ATP8B4: variants seen among roughly 807,000 people sequenced by gnomAD.
ATP8B4 encodes the protein probable phospholipid-transporting ATPase IM.
Under a neutral mutation model 145.6 loss-of-function variants are expected in ATP8B4, and 133 were observed. The ratio of observed to expected loss-of-function variants is 0.91; its 90% CI spans 0.79 to 1.05. The LOEUF is 1.05. Ranked by LOEUF, ATP8B4 falls within the 50% of genes least tolerant of loss-of-function variation. The pLI, the probability that ATP8B4 is intolerant of heterozygous loss-of-function variation, is 0.00. For synonymous variants in ATP8B4, 507 were observed against 492.9 expected, an observed-to-expected ratio of 1.03 and a Z score of -0.38; for missense variants, 1,458 against 1,425.2, an observed-to-expected ratio of 1.02 and a Z score of -0.37.
At chr15:49,902,051 C>G (rs1000547073) in intron 20 of ATP8B4, 2 of 178,988 alleles carry the variant, frequency 1.1e-5, no homozygotes, top group Non-Finnish European at 2.4e-5. Context: ...ACTGTTCTCT[C>G]CAAAATGGAA....
In ATP8B4 at chr15:50,018,785, G is replaced by A. The variant is rs548789303; in HGVS notation, c.363-7868C>T. Reference sequence around the variant, plus strand: ...TGGTCCCTCTAGGCTTGTCTTCTCAGAATCATAATTTAACATCACGTCAAC... The same window carrying A: ...TGGTCCCTCTAGGCTTGTCTTCTCAAAATCATAATTTAACATCACGTCAAC... On this transcript the variant is annotated intron_variant, in intron 6 of 27. Transcript: ENST00000284509. The A allele has an allele frequency of 7.7e-4, 417 of 542,526 alleles. 1 individual carries two copies. Among genetic ancestry groups the A allele is most frequent in the South Asian group, 7.3e-3 (393 of 53,676 alleles). The allele number at this position is 542,526 out of a possible 1,614,324, so 33.6% of individuals were successfully genotyped here. A position where few individuals can be genotyped will look rare whatever the true frequency, so the allele number is the denominator to read the frequency against.
At chr15:50,133,415 CA>C (rs56780721) in intron 1 of ATP8B4, among the ~76,000 whole-genome samples, 8 of 147,946 alleles carry the variant, frequency 5.4e-5, no homozygotes, top group South Asian at 2.1e-4. Context: ...TTCATCTCTA[CA>C]AAAAAAAAAT....
intron 23 of ATP8B4, chr15:49,885,756 A>T (rs2036110488): frequency 6.6e-6 from 1 of 151,872 alleles, no homozygotes; most frequent in Non-Finnish European, 1.5e-5. Context: ...CCAAATCAGA[A>T]ATCTGAGATT....
chr15:50,106,790 A>T, intron 2 of ATP8B4, 149 bp downstream of exon 2: 1 of 648,076 alleles, frequency 1.5e-6, no homozygotes, highest in Non-Finnish European at 2.5e-6. Flanking sequence ...CACCCTTTGT[A>T]GTTACATGGG....
intron 3 of ATP8B4, among the ~76,000 whole-genome samples, chr15:50,048,830 T>C (rs574751372): frequency 1.4e-3 from 214 of 152,312 alleles, no homozygotes; most frequent in Non-Finnish European, 2.4e-3. Flanking sequence ...GGTATAGATT[T>C]GACCACTATA....
At chr15:50,130,785 A>G (rs928571246) in intron 1 of ATP8B4, among the ~76,000 whole-genome samples, 1 of 152,138 alleles carries the variant, frequency 6.6e-6, no homozygotes, top group South Asian at 2.1e-4. Context: ...AAAAAAAATT[A>G]AAAAAATAAA....
At chr15:49,897,923 G>T in intron 22 of ATP8B4, 145 bp downstream of exon 22, 1 of 876,246 alleles carries the variant, frequency 1.1e-6, no homozygotes, top group Non-Finnish European at 1.7e-6. Context: ...AATAATGGTG[G>T]TAGCATTGGA....
At chr15:50,001,638 G>A (rs1422981359) in intron 8 of ATP8B4, among the ~76,000 whole-genome samples, 2 of 152,160 alleles carry the variant, frequency 1.3e-5, no homozygotes, top group Non-Finnish European at 2.9e-5. Context: ...ATGTTTTTAT[G>A]CCAGACAAAC....
chr15:49,920,161 A>G lies in ATP8B4; in HGVS notation c.1923+85T>C. The stretch of plus-strand genomic sequence containing the variant: ...ACATCTGCTGTGTGCAAGATGACTT[A>G]GCCAATGGCTTATTCCTGTGCTAAA... On this transcript the variant is annotated intron_variant, in intron 18 of 27. Transcript: ENST00000284509. The G allele has an allele frequency of 1.3e-6, 2 of 1,486,700 alleles. 1 individual carries two copies. Among genetic ancestry groups the G allele is most frequent in the South Asian group, 2.6e-5 (2 of 78,250 alleles). The allele number at this position is 1,486,700 out of a possible 1,614,324, so 92.1% of individuals were successfully genotyped here. A position where few individuals can be genotyped will look rare whatever the true frequency, so the allele number is the denominator to read the frequency against.
intron 23 of ATP8B4, chr15:49,879,994 T>G (rs1598870015): frequency 6.6e-6 from 1 of 152,282 alleles, no homozygotes; most frequent in Admixed American, 6.5e-5. Context: ...CTCACACCTT[T>G]GTAGACTAAT....
intron 6 of ATP8B4, among the ~76,000 whole-genome samples, chr15:50,034,228 G>GT (rs35916300): frequency 0.041 from 5,120 of 123,688 alleles, 111 homozygotes; most frequent in South Asian, 0.11. Context: ...TCCTTTCCTT[G>GT]TTTTTTTTTT....
chr15:50,056,809 G>A (rs2052640578), intron 3 of ATP8B4, among the ~76,000 whole-genome samples: 1 of 151,300 alleles, frequency 6.6e-6, no homozygotes, highest in African/African-American at 2.4e-5. Flanking sequence ...GCATATATGT[G>A]TATACACACA....
At position 50,061,280 on chromosome 15, in the gene ATP8B4, T is replaced by C. The variant is rs542282210; in HGVS notation, c.87+12847A>G. On this transcript the variant is annotated intron_variant, in intron 3 of 27. Coordinates refer to ENST00000284509, the MANE Select transcript of ATP8B4 (RefSeq NM_024837.4). ...AAAAAGATCAGATCAAGCATCAAAT[T>C]GGAAAATAAAGGAATCATGGAGGAA... Among the ~76,000 whole-genome samples, 66 of 152,136 alleles carry C rather than the reference T, an allele frequency of 4.3e-4. 1 individual carries two copies. The highest frequency in any genetic ancestry group is 1.5e-3 in the African/African-American group (64 of 41,502).
chr15:50,156,265 A>T (rs1011252937), intron 1 of ATP8B4, among the ~76,000 whole-genome samples: 1 of 151,192 alleles, frequency 6.6e-6, no homozygotes, highest in Non-Finnish European at 1.5e-5. Context: ...AGCAATTTTT[A>T]TGACAGACAG....
intron 1 of ATP8B4, among the ~76,000 whole-genome samples, chr15:50,161,140 T>A (rs1489555432): frequency 6.6e-6 from 1 of 152,134 alleles, no homozygotes; most frequent in Non-Finnish European, 1.5e-5. Context: ...CTTTGTCTCT[T>A]CCAGTTTTTG....
chr15:50,080,496 C>T (rs1363975001), intron 2 of ATP8B4, among the ~76,000 whole-genome samples: 1 of 152,062 alleles, frequency 6.6e-6, no homozygotes, highest in African/African-American at 2.4e-5. Context: ...CTTGTCTTTC[C>T]ATTTGGAAAG....
At chr15:50,080,187 C>T (rs1033358226) in intron 2 of ATP8B4, among the ~76,000 whole-genome samples, 1 of 152,180 alleles carries the variant, frequency 6.6e-6, no homozygotes, top group African/African-American at 2.4e-5. Flanking sequence ...TAATTTGATG[C>T]CTTCCTCAAC....
At chr15:50,168,022 G>T (rs2044618980) in intron 1 of ATP8B4, among the ~76,000 whole-genome samples, 1 of 151,864 alleles carries the variant, frequency 6.6e-6, no homozygotes, top group Non-Finnish European at 1.5e-5. Flanking sequence ...GAATAAATGA[G>T]ATCAACTAGA....
chr15:49,958,045 A>T (rs1164003839), intron 14 of ATP8B4, among the ~76,000 whole-genome samples: 1 of 151,728 alleles, frequency 6.6e-6, no homozygotes, highest in African/African-American at 2.4e-5. Context: ...TAAAAGGTAG[A>T]AACAATAAAA....
Sources: allele counts gnomAD v4.1 joint callset (sites outside exome capture counted in the v4.1 genomes callset), GRCh38; gene constraint gnomAD v4.1.1; transcripts MANE v1.5; gene names NCBI Gene and HGNC (gene_info 2026-07-23, HGNC 2026-07-21).